The following HEMK2 variants were observed in gnomAD, a reference collection of about 807,000 sequenced individuals.
HEMK2 encodes the protein HemK methyltransferase 2, ETF1 glutamine and histone H4 lysine, also known as methyltransferase HEMK2.
At chr21:28,668,079 G>A in the HEMK2 span, among the ~76,000 whole-genome samples, 9 of 152,218 alleles carry the variant, frequency 5.9e-5, no homozygotes, top group African/African-American at 1.4e-4. Flanking sequence ...GTCAAATCTC[G>A]TTATAAGCCA....
At chr21:28,776,249 T>C in the HEMK2 span, among the ~76,000 whole-genome samples, 386 of 152,332 alleles carry the variant, frequency 2.5e-3, 1 homozygote, top group Non-Finnish European at 3.5e-3. Context: ...GAAGAAAACA[T>C]GAAAGAATCT....
the HEMK2 span, among the ~76,000 whole-genome samples, chr21:28,747,057 C>T: frequency 1.3e-5 from 2 of 152,232 alleles, no homozygotes; most frequent in Non-Finnish European, 2.9e-5. Context: ...AGAGACACCA[C>T]CTTTGACTAG....
chr21:28,688,375 G>A, the HEMK2 span, among the ~76,000 whole-genome samples: 1 of 152,144 alleles, frequency 6.6e-6, no homozygotes, highest in African/African-American at 2.4e-5. Context: ...GGAAACATAT[G>A]CAAACAATAC....
At chr21:28,830,161 C>T in the HEMK2 span, among the ~76,000 whole-genome samples, 29 of 152,078 alleles carry the variant, frequency 1.9e-4, no homozygotes, top group Non-Finnish European at 3.1e-4. Context: ...CAGACACTTA[C>T]GGCAGAAAAT....
At chr21:28,719,344 G>A in the HEMK2 span, among the ~76,000 whole-genome samples, 1 of 152,154 alleles carries the variant, frequency 6.6e-6, no homozygotes, top group Non-Finnish European at 1.5e-5. Context: ...GGGGCCAGGT[G>A]GAGATAACTG....
At chr21:28,879,986 A>C in the HEMK2 span, 1 of 1,404,468 alleles carries the variant, frequency 7.1e-7, no homozygotes. Flanking sequence ...AGAATTTTAC[A>C]TTAAACTCTG....
chr21:28,707,446 G>T, the HEMK2 span, among the ~76,000 whole-genome samples: 25 of 151,768 alleles, frequency 1.6e-4, no homozygotes, highest in Middle Eastern at 6.8e-3. Context: ...TGTATAGACG[G>T]GATTTCACCA....
the HEMK2 span, among the ~76,000 whole-genome samples, chr21:28,699,328 G>A: frequency 1.3e-5 from 2 of 152,170 alleles, no homozygotes; most frequent in African/African-American, 4.8e-5. Flanking sequence ...CAGTTTTGGT[G>A]TGTGGTGAGG....
At chr21:28,805,267 C>A in the HEMK2 span, among the ~76,000 whole-genome samples, 1 of 152,168 alleles carries the variant, frequency 6.6e-6, no homozygotes, top group African/African-American at 2.4e-5. Flanking sequence ...GGCTTCAGTT[C>A]CCCATCTATA....
the HEMK2 span, among the ~76,000 whole-genome samples, chr21:28,749,286 A>G: frequency 3.3e-5 from 5 of 152,218 alleles, no homozygotes; most frequent in African/African-American, 7.2e-5. Context: ...TCCTAATAGC[A>G]CAACTTATAT....
the HEMK2 span, among the ~76,000 whole-genome samples, chr21:28,659,158 G>C: frequency 2.7e-3 from 405 of 152,100 alleles, 1 homozygote; most frequent in African/African-American, 9.1e-3. Context: ...ATATCTGTCT[G>C]ATAAACTAGT....
At chr21:28,731,239 C>T in the HEMK2 span, among the ~76,000 whole-genome samples, 1,163 of 152,250 alleles carry the variant, frequency 7.6e-3, 15 homozygotes, top group African/African-American at 0.026. Flanking sequence ...TATTATGATA[C>T]TCAATTTACA....
At chr21:28,842,367 T>A in the HEMK2 span, among the ~76,000 whole-genome samples, 2 of 152,198 alleles carry the variant, frequency 1.3e-5, no homozygotes, top group East Asian at 3.8e-4. Context: ...CTTAAACATT[T>A]ACCTCTCTCA....
the HEMK2 span, among the ~76,000 whole-genome samples, chr21:28,831,647 G>GAAGGAAAGAAGGAAAGA: frequency 4.2e-5 from 1 of 23,780 alleles, no homozygotes. Context: ...AAGAAAGAAA[G>GAAGGAAAGAAGGAAAGA]AAAGAAAGAA....
At chr21:28,683,614 C>T in the HEMK2 span, among the ~76,000 whole-genome samples, 1 of 152,126 alleles carries the variant, frequency 6.6e-6, no homozygotes, top group African/African-American at 2.4e-5. Flanking sequence ...TGTGATGATG[C>T]ACGTTCATGG....
chr21:28,878,201 T>C, the HEMK2 span: 10 of 1,581,016 alleles, frequency 6.3e-6, no homozygotes, highest in African/African-American at 1.4e-5. Context: ...CCTGGGTTGT[T>C]TTCTTTAATG....
chr21:28,812,385 C>T, the HEMK2 span, among the ~76,000 whole-genome samples: 1 of 152,176 alleles, frequency 6.6e-6, no homozygotes, highest in African/African-American at 2.4e-5. Flanking sequence ...GCCTTTCCTG[C>T]ATCTATTGAG....
At chr21:28,703,531 A>G in the HEMK2 span, among the ~76,000 whole-genome samples, 58 of 152,298 alleles carry the variant, frequency 3.8e-4, no homozygotes, top group African/African-American at 1.3e-3. Flanking sequence ...GCTCCATGTT[A>G]CTGACATTGT....
At chr21:28,880,790 C>T in the HEMK2 span, among the ~76,000 whole-genome samples, 5 of 150,968 alleles carry the variant, frequency 3.3e-5, no homozygotes, top group Non-Finnish European at 7.4e-5. Flanking sequence ...AAAAAAATCA[C>T]CACGTTGATC....
Sources: allele counts gnomAD v4.1 joint callset (sites outside exome capture counted in the v4.1 genomes callset), GRCh38; gene constraint gnomAD v4.1.1; transcripts MANE v1.5; gene names NCBI Gene and HGNC (gene_info 2026-07-23, HGNC 2026-07-21).